Variants in TSPAN9 observed in about 807,000 individuals in gnomAD.
The protein encoded by TSPAN9 is tetraspanin 9, also known as tetraspanin-9.
In TSPAN9, 16 loss-of-function variants were observed where a neutral mutation model predicts 31.0. The ratio of observed to expected loss-of-function variants is 0.52; its 90% confidence interval spans 0.35 to 0.78. The LOEUF (loss-of-function observed/expected upper bound fraction) is 0.78, where lower values mean the gene tolerates loss of function less well. TSPAN9 is among the 30% of genes least tolerant of loss of function. The probability of loss-of-function intolerance (pLI) is 0.01; values close to 1 mark genes in which losing one functional copy is unlikely to be tolerated. For missense variants in TSPAN9, 272 were observed against 312.5 expected (o/e 0.87, Z 0.98); for synonymous variants, 145 against 121.6 (o/e 1.19, Z -1.27).
chr12:3,201,292 TCTC>T (rs763157788), intron 3 of TSPAN9, 36 bp downstream of exon 3: 32 of 1,595,308 alleles, frequency 2.0e-5, no homozygotes, highest in East Asian at 8.9e-5. Context: ...TTCGCCCTCT[TCTC>T]CTCCTCTTGG....
At chr12:3,251,710 G>A (rs762636587) in intron 3 of TSPAN9, among the ~76,000 whole-genome samples, 4 of 152,178 alleles carry the variant, frequency 2.6e-5, no homozygotes, top group Non-Finnish European at 4.4e-5. Context: ...CAGCACCTCT[G>A]GCTGCCTGGG....
intron 2 of TSPAN9, chr12:3,173,120 G>C (rs1308986664): frequency 6.6e-6 from 1 of 152,558 alleles, no homozygotes; most frequent in Non-Finnish European, 1.5e-5. Context: ...TGTGCCCACT[G>C]ACCTGGTCGG....
At chr12:3,167,088 C>T (rs1055176576) in intron 2 of TSPAN9, among the ~76,000 whole-genome samples, 7 of 152,196 alleles carry the variant, frequency 4.6e-5, no homozygotes, top group South Asian at 2.1e-4. Context: ...TGAGCCACCA[C>T]GCCCGGCCCA....
At chr12:3,270,682 G>C (rs903922750) in intron 3 of TSPAN9, among the ~76,000 whole-genome samples, 4 of 152,274 alleles carry the variant, frequency 2.6e-5, no homozygotes, top group Non-Finnish European at 5.9e-5. Flanking sequence ...AGGACTGCTG[G>C]TGACTGGGCA....
At position 3,279,033 on chromosome 12, in the gene TSPAN9, C is replaced by T; in HGVS notation, c.297C>T (p.Ile99=). 1 of 1,614,178 alleles carries T rather than the reference C, an allele frequency of 6.2e-7. No individual in the cohort carries two copies. Among genetic ancestry groups the T allele is most frequent in the Non-Finnish European group, 8.5e-7 (1 of 1,180,020 alleles). The change falls in exon 5 of 9, where the codon ATC becomes ATT. Residue 99 remains isoleucine (I), a synonymous_variant. Coordinates refer to ENST00000011898, the MANE Select transcript of TSPAN9 (RefSeq NM_006675.5). Reference sequence around the variant, plus strand: ...TGGTCATCCTCCTAGCAGAGCTGATCTTACTCATCCTCTTCTTTGTCTACA... The same window carrying T: ...TGGTCATCCTCCTAGCAGAGCTGATTTTACTCATCCTCTTCTTTGTCTACA... ...VLLVILLAEL[I]LLILFFVYMD...
At chr12:3,253,095 G>T (rs913754550) in intron 3 of TSPAN9, among the ~76,000 whole-genome samples, 3 of 152,134 alleles carry the variant, frequency 2.0e-5, no homozygotes, top group African/African-American at 7.2e-5. Context: ...CCTCTCAGAA[G>T]TGCTCCTGTG....
At chr12:3,250,801 T>C (rs970831546) in intron 3 of TSPAN9, among the ~76,000 whole-genome samples, 3 of 152,204 alleles carry the variant, frequency 2.0e-5, no homozygotes, top group Non-Finnish European at 4.4e-5. Flanking sequence ...TTCGGGTGAC[T>C]GTTGGCTGCC....
chr12:3,174,863 T>C (rs28455901), intron 2 of TSPAN9, among the ~76,000 whole-genome samples: 19,726 of 152,142 alleles, frequency 0.13, 1,320 homozygotes, highest in Admixed American at 0.16. Flanking sequence ...ATTACAGGCG[T>C]GAGCCACCGC....
At chr12:3,092,401 G>A (rs1291358600) in intron 2 of TSPAN9, among the ~76,000 whole-genome samples, 1 of 152,220 alleles carries the variant, frequency 6.6e-6, no homozygotes, top group East Asian at 1.9e-4. Context: ...CTTTAGCCAA[G>A]TGTAAAGTTA....
intron 3 of TSPAN9, among the ~76,000 whole-genome samples, chr12:3,266,172 A>G (rs1407546086): frequency 6.6e-6 from 1 of 152,140 alleles, no homozygotes; most frequent in Non-Finnish European, 1.5e-5. Context: ...TGTCTGGGTG[A>G]CACTCTTTCT....
chr12:3,084,129 A>T (rs2153962020), intron 2 of TSPAN9: 1 of 152,176 alleles, frequency 6.6e-6, no homozygotes, highest in Non-Finnish European at 1.5e-5. Context: ...GCCAGTCCTT[A>T]GTGTCTCCAT....
At chr12:3,226,650 ATATGTGTG>A (rs2098387291) in intron 3 of TSPAN9, among the ~76,000 whole-genome samples, 1 of 3,742 alleles carries the variant, frequency 2.7e-4, no homozygotes, top group African/African-American at 7.0e-4. Context: ...AATTTTATAT[ATATGTGTG>A]TGTGTGTGTG....
At chr12:3,220,069 C>T (rs56207410) in intron 3 of TSPAN9, among the ~76,000 whole-genome samples, 13,517 of 151,148 alleles carry the variant, frequency 0.089, 718 homozygotes, top group Non-Finnish European at 0.12. Flanking sequence ...TGCTTGAACC[C>T]GGGAGGCGGA....
intron 2 of TSPAN9, among the ~76,000 whole-genome samples, chr12:3,150,488 G>A (rs900009909): frequency 6.6e-6 from 1 of 152,170 alleles, no homozygotes; most frequent in Non-Finnish European, 1.5e-5. Flanking sequence ...GGCCCGGTGT[G>A]AATCTTTGGT....
At chr12:3,205,996 G>T (rs977257491) in intron 3 of TSPAN9, among the ~76,000 whole-genome samples, 15 of 152,162 alleles carry the variant, frequency 9.9e-5, no homozygotes, top group African/African-American at 3.4e-4. Flanking sequence ...TCAGGAGGGG[G>T]TGGGGAGGAG....
chr12:3,138,998 C>T (rs1230793899), intron 2 of TSPAN9, among the ~76,000 whole-genome samples: 3 of 152,154 alleles, frequency 2.0e-5, no homozygotes, highest in South Asian at 2.1e-4. Flanking sequence ...AGGCTGTGGA[C>T]GCCCTGAGGA....
intron 2 of TSPAN9, among the ~76,000 whole-genome samples, chr12:3,123,440 G>A (rs1483852225): frequency 2.0e-5 from 3 of 152,286 alleles, no homozygotes; most frequent in Middle Eastern, 3.4e-3. Context: ...GCCTGGCATT[G>A]CCAGACCTCC....
intron 8 of TSPAN9, chr12:3,282,212 G>C (rs1862908751): frequency 1.7e-6 from 1 of 579,476 alleles, no homozygotes; most frequent in East Asian, 2.8e-5. Flanking sequence ...ACCACACCGG[G>C]CTTCCTTCTG....
chr12:3,203,833 G>C (rs1480709826), intron 3 of TSPAN9, among the ~76,000 whole-genome samples: 1 of 152,216 alleles, frequency 6.6e-6, no homozygotes, highest in Non-Finnish European at 1.5e-5. Context: ...GGAGGAGCAG[G>C]TGCAGGAGGG....
Sources: allele counts gnomAD v4.1 joint callset (sites outside exome capture counted in the v4.1 genomes callset), GRCh38; gene constraint gnomAD v4.1.1; transcripts MANE v1.5; gene names NCBI Gene and HGNC (gene_info 2026-07-23, HGNC 2026-07-21).